The following LAMA2 variants were observed in gnomAD, a reference collection of about 807,000 sequenced individuals.
LAMA2 encodes the protein laminin subunit alpha 2, also known as laminin subunit alpha-2.
Under a neutral mutation model 364.8 loss-of-function variants are expected in LAMA2, and 269 were observed. The ratio of observed to expected loss-of-function variants is 0.74; its 90% CI spans 0.67 to 0.82. LAMA2 has a LOEUF of 0.82. Among genes scored for constraint, LAMA2 ranks in the 40% least tolerant of loss-of-function variants. The probability of loss-of-function intolerance (pLI) is 0.00; values close to 1 mark genes in which losing one functional copy is unlikely to be tolerated. For missense variants in LAMA2, 3,807 were observed against 3,873.2 expected (o/e 0.98, Z 0.45); for synonymous variants, 1,379 against 1,370.6 (o/e 1.01, Z -0.14).
At chr6:129,330,533 A>G (rs1372058920) in intron 29 of LAMA2, among the ~76,000 whole-genome samples, 1 of 141,622 alleles carries the variant, frequency 7.1e-6, no homozygotes, top group East Asian at 2.0e-4. Context: ...CATACTCTTC[A>G]CTTTCAGTTT....
At chr6:128,899,837 A>G (rs1336489857) in intron 1 of LAMA2, among the ~76,000 whole-genome samples, 2 of 152,158 alleles carry the variant, frequency 1.3e-5, no homozygotes, top group African/African-American at 4.8e-5. Context: ...GCTTTGGATA[A>G]GGAATGCATA....
intron 41 of LAMA2, among the ~76,000 whole-genome samples, chr6:129,434,735 T>C (rs1429425538): frequency 6.6e-6 from 1 of 152,008 alleles, no homozygotes; most frequent in African/African-American, 2.4e-5. Flanking sequence ...AGCCCAGGAG[T>C]GCTTATTTTT....
intron 17 of LAMA2, among the ~76,000 whole-genome samples, chr6:129,273,800 A>G (rs1344219709): frequency 6.6e-6 from 1 of 152,118 alleles, no homozygotes. Flanking sequence ...TTAAAAATGC[A>G]TATAACACAG....
intron 12 of LAMA2, among the ~76,000 whole-genome samples, chr6:129,216,882 C>T (rs1783456702): frequency 6.6e-6 from 1 of 152,128 alleles, no homozygotes; most frequent in South Asian, 2.1e-4. Context: ...AGAAGGTAAG[C>T]TGTATCATTA....
chr6:129,178,886 T>TAA lies in LAMA2; in HGVS notation c.1467+1021_1467+1022dup, dbSNP rs200903307. Among the ~76,000 whole-genome samples the TAA allele has an allele frequency of 5.6e-3, 857 of 152,168 alleles. 7 individuals carry two copies. Among genetic ancestry groups the TAA allele is most frequent in the Non-Finnish European group, 9.4e-3 (640 of 67,984 alleles). On this transcript the variant is annotated intron_variant, in intron 10 of 64. Transcript: ENST00000421865. Reference sequence around the variant, plus strand: ...GGAAATATCAAGCTAAATATAATAATAATAGTTACATAATAGGTATATGTT... The same window carrying TAA: ...GGAAATATCAAGCTAAATATAATAATAAAATAGTTACATAATAGGTATATGTT...
intron 1 of LAMA2, among the ~76,000 whole-genome samples, chr6:128,927,659 C>G (rs1269813122): frequency 6.6e-6 from 1 of 152,058 alleles, no homozygotes; most frequent in Admixed American, 6.6e-5. Flanking sequence ...CTGAGGGTCC[C>G]ATCAGTCTTC....
rs1273030502 is a variant in LAMA2, at chr6:129,372,609, CTTTGTGCAGACT to C, written c.4959+2626_4959+2637del. Among the ~76,000 whole-genome samples, 3 of 152,316 alleles carry C rather than the reference CTTTGTGCAGACT, an allele frequency of 2.0e-5. No individual in the cohort carries two copies. The East Asian group carries it at 5.8e-4, about 29-fold the overall frequency. ...GCATGAATCAAGTTGCTGTAAACAT[CTTTGTGCAGACT>C]TTTGTGTGGACTTAAGTTTTCAACC... On this transcript the variant is annotated intron_variant, in intron 34 of 64. Transcript: ENST00000421865.
rs772530409 is a variant in LAMA2, at chr6:129,280,153, A to G, written c.2537+6A>G. On this transcript the variant is annotated splice_donor_region_variant and intron_variant, in intron 18 of 64. Coordinates refer to ENST00000421865, the MANE Select transcript of LAMA2 (RefSeq NM_000426.4). ...ACAGGACCACGCTGTGAGAGGTAAG[A>G]GTATACTACACTGTCTTGCAAAATG... The G allele has an allele frequency of 6.4e-7, 1 of 1,559,968 alleles. No individual in the cohort carries two copies. The highest frequency in any genetic ancestry group is 8.8e-7 in the Non-Finnish European group (1 of 1,130,854).
chr6:129,102,978 G>C (rs547339063), intron 4 of LAMA2, among the ~76,000 whole-genome samples: 1 of 152,280 alleles, frequency 6.6e-6, no homozygotes, highest in East Asian at 1.9e-4. Context: ...TCCCACCCAT[G>C]CAGTCCTGGA....
At chr6:129,190,145 T>C in intron 10 of LAMA2, 60 bp from the exon 11 acceptor site, 1 of 1,540,242 alleles carries the variant, frequency 6.5e-7, no homozygotes, top group Non-Finnish European at 9.0e-7. Context: ...TATACAGACA[T>C]GGACGCAGCT....
chr6:129,232,659 C>A (rs529210077), intron 12 of LAMA2, among the ~76,000 whole-genome samples: 2 of 152,050 alleles, frequency 1.3e-5, no homozygotes, highest in Non-Finnish European at 2.9e-5. Flanking sequence ...AAATAATGCC[C>A]TCCTCCAAGA....
chr6:129,102,425 G>A (rs565719848), intron 4 of LAMA2, among the ~76,000 whole-genome samples: 22 of 151,966 alleles, frequency 1.4e-4, no homozygotes, highest in African/African-American at 5.3e-4. Flanking sequence ...ATGAGCCACT[G>A]TGCCCAGCCT....
chr6:128,922,624 G>A (rs1778812277), intron 1 of LAMA2, among the ~76,000 whole-genome samples: 1 of 151,868 alleles, frequency 6.6e-6, no homozygotes, highest in Non-Finnish European at 1.5e-5. Flanking sequence ...TGTCAGATGA[G>A]CAGGTTGCGA....
intron 1 of LAMA2, among the ~76,000 whole-genome samples, chr6:129,020,931 C>G (rs1785412499): frequency 1.3e-5 from 2 of 152,206 alleles, no homozygotes; most frequent in Admixed American, 6.5e-5. Flanking sequence ...TGAGCCCTAA[C>G]AGCCACAAAT....
intron 12 of LAMA2, among the ~76,000 whole-genome samples, chr6:129,208,733 A>G (rs72973204): frequency 0.071 from 9,541 of 134,816 alleles, 591 homozygotes; most frequent in African/African-American, 0.16. Flanking sequence ...GAGGGAAGGA[A>G]GGAGGGAGGG....
intron 4 of LAMA2, among the ~76,000 whole-genome samples, chr6:129,131,307 A>G (rs963457876): frequency 6.6e-6 from 1 of 152,202 alleles, no homozygotes; most frequent in Non-Finnish European, 1.5e-5. Flanking sequence ...GTGACTTCTC[A>G]TCAGCTGTTT....
chr6:129,216,652 A>G (rs1191733093), intron 12 of LAMA2, among the ~76,000 whole-genome samples: 4 of 152,190 alleles, frequency 2.6e-5, no homozygotes, highest in African/African-American at 9.6e-5. Context: ...AAATTATTAT[A>G]TCTTTTTATT....
intron 27 of LAMA2, 25 bp from the exon 28 acceptor site, chr6:129,320,513 C>G: frequency 7.7e-7 from 1 of 1,299,882 alleles, no homozygotes; most frequent in East Asian, 2.3e-5. Context: ...TCATAGTAAT[C>G]TAAGTACATT....
intron 50 of LAMA2, among the ~76,000 whole-genome samples, chr6:129,464,704 C>T (rs1293837958): frequency 2.6e-5 from 4 of 151,924 alleles, no homozygotes; most frequent in Non-Finnish European, 5.9e-5. Context: ...TTAAGCAATA[C>T]ATCCGGTAAT....
Sources: gnomAD v4.1 joint callset for allele counts (sites outside exome capture counted in the v4.1 genomes callset) on GRCh38, gnomAD v4.1.1 for gene constraint, MANE v1.5 for transcripts, NCBI Gene and HGNC (gene_info 2026-07-23, HGNC 2026-07-21) for gene names.